The following IRAK1BP1 variants were observed in gnomAD, a reference collection of about 807,000 sequenced individuals.
IRAK1BP1 encodes interleukin-1 receptor-associated kinase 1-binding protein 1.
A neutral mutation model predicts 28.0 loss-of-function variants in IRAK1BP1; 24 were observed. The ratio of observed to expected loss-of-function variants is 0.86; its 90% confidence interval spans 0.62 to 1.20. The LOEUF is 1.20. Among genes scored for constraint, IRAK1BP1 ranks in the 50% most tolerant of loss-of-function variants. The pLI, the probability that IRAK1BP1 is intolerant of heterozygous loss-of-function variation, is 0.00. For missense variants in IRAK1BP1, 336 were observed against 316.7 expected (o/e 1.06, Z -0.46); for synonymous variants, 131 against 116.3 (o/e 1.13, Z -0.81).
rs1329483394 is a variant in IRAK1BP1, at chr6:78,900,019, G to A, written c.*1685G>A. 1 of 152,052 alleles carries A rather than the reference G, an allele frequency of 6.6e-6. No individual in the cohort carries two copies. Among genetic ancestry groups the A allele is most frequent in the Non-Finnish European group, 1.5e-5 (1 of 68,006 alleles). 9.4% of individuals were successfully genotyped at this position (152,052 alleles called of 1,614,324 possible). On this transcript the variant is annotated 3_prime_UTR_variant, in exon 4 of 4. Transcript: ENST00000369940. The stretch of plus-strand genomic sequence containing the variant: ...AAAAAGAGATTCACATACCCAGGTT[G>A]TTCTAGCATGCCTAAAAAATCTTGT...
intron 1 of IRAK1BP1, among the ~76,000 whole-genome samples, chr6:78,876,641 T>G (rs1771013746): frequency 6.6e-6 from 1 of 152,172 alleles, no homozygotes; most frequent in Non-Finnish European, 1.5e-5. Flanking sequence ...TTAACAGCAT[T>G]CCTGGCCCCT....
chr6:78,885,236 G>A (rs1771375320), intron 1 of IRAK1BP1, 142 bp from the exon 2 acceptor site: 2 of 513,698 alleles, frequency 3.9e-6, no homozygotes, highest in Non-Finnish European at 7.1e-6. Flanking sequence ...TCACTTTTAG[G>A]AAAGTTTTAA....
chr6:78,978,592 C>T, the IRAK1BP1 span: 1 of 1,581,880 alleles, frequency 6.3e-7, no homozygotes, highest in Non-Finnish European at 8.6e-7. Context: ...TTTAAAGTAC[C>T]TCATCACCCA....
intron 1 of IRAK1BP1, among the ~76,000 whole-genome samples, chr6:78,873,254 CAAAAAAAA>C (rs35962544): frequency 2.9e-4 from 12 of 41,104 alleles, no homozygotes; most frequent in African/African-American, 7.3e-4. Flanking sequence ...AACTCTGTCT[CAAAAAAAA>C]AAAAAAAAAA....
intron 4 of IRAK1BP1, among the ~76,000 whole-genome samples, chr6:78,923,987 C>T (rs923125922): frequency 6.6e-6 from 1 of 151,804 alleles, no homozygotes; most frequent in Non-Finnish European, 1.5e-5. Flanking sequence ...AAATTGACAC[C>T]CTAACATTAC....
At chr6:78,903,181 G>A (rs1316378286), downstream of IRAK1BP1, 3 of 820,874 alleles carry the variant, frequency 3.7e-6, no homozygotes, top group East Asian at 8.1e-5. Context: ...TTGCTACATA[G>A]GGTTTAAACT....
chr6:78,916,666 G>C (rs1311330932), intron 4 of IRAK1BP1, among the ~76,000 whole-genome samples: 1 of 152,052 alleles, frequency 6.6e-6, no homozygotes, highest in Non-Finnish European at 1.5e-5. Context: ...TACGTAGTTT[G>C]CCAAGACAGC....
intron 1 of IRAK1BP1, among the ~76,000 whole-genome samples, chr6:78,880,045 C>G (rs556617777): frequency 6.6e-6 from 1 of 152,286 alleles, no homozygotes; most frequent in East Asian, 1.9e-4. Context: ...ACAGCCCATT[C>G]CTGGGCAGTT....
At chr6:78,887,680 A>C (rs1460942286) in intron 2 of IRAK1BP1, among the ~76,000 whole-genome samples, 1 of 152,044 alleles carries the variant, frequency 6.6e-6, no homozygotes, top group Non-Finnish European at 1.5e-5. Context: ...ACACACACAA[A>C]AACAACAACA....
downstream of IRAK1BP1, among the ~76,000 whole-genome samples, chr6:78,904,936 T>G (rs9443623): frequency 6.6e-6 from 1 of 152,052 alleles, no homozygotes; most frequent in Non-Finnish European, 1.5e-5. Context: ...TAAAAAGATA[T>G]AGTGATACAG....
At chr6:78,973,204 G>C in the IRAK1BP1 span, among the ~76,000 whole-genome samples, 1 of 152,110 alleles carries the variant, frequency 6.6e-6, no homozygotes, top group Admixed American at 6.5e-5. Flanking sequence ...CAAGCCAGAA[G>C]AGAGTGGGGG....
chr6:78,937,802 A>T (rs1562106952), intron 4 of IRAK1BP1: 1 of 151,764 alleles, frequency 6.6e-6, no homozygotes, highest in African/African-American at 2.4e-5. Flanking sequence ...GATTAGACTA[A>T]ATATTTAAAC....
chr6:78,920,578 C>G (rs1772696455), intron 4 of IRAK1BP1, among the ~76,000 whole-genome samples: 1 of 152,166 alleles, frequency 6.6e-6, no homozygotes, highest in African/African-American at 2.4e-5. Context: ...AACTGGCTAT[C>G]CACATGCAGA....
the IRAK1BP1 span, chr6:78,955,168 A>T: frequency 8.6e-7 from 1 of 1,156,994 alleles, no homozygotes; most frequent in Non-Finnish European, 1.2e-6. Flanking sequence ...TAAAAAAATA[A>T]AGAAAGCTCT....
At chr6:78,946,966 A>T, downstream of IRAK1BP1, 1 of 680,154 alleles carries the variant, frequency 1.5e-6, no homozygotes, top group Non-Finnish European at 2.4e-6. Context: ...TTCCAGTAAA[A>T]AATATTTAGA....
At chr6:78,949,466 C>A (rs1774018088), downstream of IRAK1BP1, among the ~76,000 whole-genome samples, 2 of 152,078 alleles carry the variant, frequency 1.3e-5, no homozygotes, top group Admixed American at 1.3e-4. Context: ...TGGGACCAGA[C>A]AACTAGATAC....
chr6:78,962,098 G>A, the IRAK1BP1 span, among the ~76,000 whole-genome samples: 2 of 152,090 alleles, frequency 1.3e-5, no homozygotes, highest in Non-Finnish European at 2.9e-5. Context: ...ATACATTGCC[G>A]TAATTGACAG....
intron 4 of IRAK1BP1, among the ~76,000 whole-genome samples, chr6:78,922,591 T>C (rs903329503): frequency 6.6e-6 from 1 of 152,118 alleles, no homozygotes; most frequent in African/African-American, 2.4e-5. Flanking sequence ...AGGTACTCCT[T>C]GATAAGAGCA....
the IRAK1BP1 span, among the ~76,000 whole-genome samples, chr6:78,967,731 T>C: frequency 6.6e-6 from 1 of 152,226 alleles, no homozygotes; most frequent in Non-Finnish European, 1.5e-5. Flanking sequence ...ATTTGTCCAA[T>C]GTTAGCCACA....
Sources: gnomAD v4.1 joint callset for allele counts (sites outside exome capture counted in the v4.1 genomes callset) on GRCh38, gnomAD v4.1.1 for gene constraint, MANE v1.5 for transcripts, NCBI Gene and HGNC (gene_info 2026-07-23, HGNC 2026-07-21) for gene names.